JMJD1C: variants seen among roughly 807,000 people sequenced by gnomAD.
The protein encoded by JMJD1C is jumonji domain-containing protein 1C.
Under a neutral mutation model 245.3 loss-of-function variants are expected in JMJD1C, and 31 were observed. The ratio of observed to expected loss-of-function variants is 0.13; its 90% CI spans 0.09 to 0.17. The LOEUF is 0.17. JMJD1C is among the 10% of genes least tolerant of loss of function. The pLI, the probability that JMJD1C is intolerant of heterozygous loss-of-function variation, is 1.00. For missense variants in JMJD1C, 2,691 were observed against 3,000.2 expected (o/e 0.90, Z 2.41); for synonymous variants, 1,057 against 1,017.4 (o/e 1.04, Z -0.74).
intron 3 of JMJD1C, among the ~76,000 whole-genome samples, chr10:63,232,912 G>C (rs1208924871): frequency 6.6e-6 from 1 of 151,930 alleles, no homozygotes; most frequent in African/African-American, 2.4e-5. Context: ...TTCATTTTCT[G>C]TTTACTTTTA....
intron 2 of JMJD1C, among the ~76,000 whole-genome samples, chr10:63,273,006 T>C (rs1856477011): frequency 6.6e-6 from 1 of 152,228 alleles, no homozygotes; most frequent in Non-Finnish European, 1.5e-5. Flanking sequence ...GTAAAATTAA[T>C]GTAATTAACA....
At chr10:63,458,912 G>C (rs948728800) in intron 1 of JMJD1C, among the ~76,000 whole-genome samples, 4 of 151,932 alleles carry the variant, frequency 2.6e-5, no homozygotes, top group Non-Finnish European at 5.9e-5. Flanking sequence ...TCAGTAGACA[G>C]GATTTCACCA....
chr10:63,464,954 G>A (rs1953091143), intron 1 of JMJD1C, among the ~76,000 whole-genome samples: 1 of 152,296 alleles, frequency 6.6e-6, no homozygotes, highest in African/African-American at 2.4e-5. Flanking sequence ...CACCACCACG[G>A]CCTCTGCCTC....
At chr10:63,403,942 A>C (rs1949013753) in intron 1 of JMJD1C, among the ~76,000 whole-genome samples, 2 of 152,108 alleles carry the variant, frequency 1.3e-5, no homozygotes, top group Non-Finnish European at 1.5e-5. Context: ...GTCTCAAAAA[A>C]AACAACAACA....
At chr10:63,377,218 G>A (rs1038032469) in intron 2 of JMJD1C, among the ~76,000 whole-genome samples, 1 of 152,172 alleles carries the variant, frequency 6.6e-6, no homozygotes, top group Admixed American at 6.5e-5. Context: ...CTCAGAGACC[G>A]AAAGTAGAAT....
At chr10:63,438,517 C>T (rs1241531873) in intron 1 of JMJD1C, among the ~76,000 whole-genome samples, 2 of 152,124 alleles carry the variant, frequency 1.3e-5, no homozygotes, top group Admixed American at 6.6e-5. Flanking sequence ...TTAAAACCAC[C>T]TCGTTCATGC....
At chr10:63,458,693 T>C (rs1952575471) in intron 1 of JMJD1C, among the ~76,000 whole-genome samples, 1 of 148,990 alleles carries the variant, frequency 6.7e-6, no homozygotes, top group South Asian at 2.1e-4. Context: ...TTTATTGGAT[T>C]TTTATAAAGT....
intron 1 of JMJD1C, among the ~76,000 whole-genome samples, chr10:63,494,592 G>C (rs1954294950): frequency 6.6e-6 from 1 of 152,120 alleles, no homozygotes; most frequent in Admixed American, 6.6e-5. Context: ...TTGTGATTTG[G>C]CAGTATCCAT....
chr10:63,179,767 C>A (rs1481682166), intron 22 of JMJD1C, among the ~76,000 whole-genome samples: 1 of 136,082 alleles, frequency 7.3e-6, no homozygotes, highest in Non-Finnish European at 1.6e-5. Flanking sequence ...AGCAAGGAGA[C>A]CCTATCTTTA....
At chr10:63,274,316 G>A (rs1031069890) in intron 2 of JMJD1C, among the ~76,000 whole-genome samples, 2 of 152,194 alleles carry the variant, frequency 1.3e-5, no homozygotes, top group Admixed American at 6.5e-5. Flanking sequence ...TGTAATCCCA[G>A]CACTCTGGGA....
At chr10:63,361,636 G>A (rs560680867) in intron 2 of JMJD1C, among the ~76,000 whole-genome samples, 50 of 138,828 alleles carry the variant, frequency 3.6e-4, no homozygotes, top group African/African-American at 1.3e-3. Flanking sequence ...GACTCAGTAA[G>A]AATAACCTAC....
Position 63,208,220 on chromosome 10 carries a change from A to G in JMJD1C, c.3449T>C (p.Ile1150Thr), listed in dbSNP as rs1276147767. 1.2e-6 allele frequency: 2 copies of G among 1,613,950 alleles called. No individual in the cohort carries two copies. The highest frequency in any genetic ancestry group is 1.7e-6 in the Non-Finnish European group (2 of 1,179,972). ...ITSLSKPPPL[I>T]KHQPESEGLV... ...ACCTTCACTTTCTGGTTGGTGTTTA[A>G]TCAAAGGTGGAGGCTTTGAAAGAGA... Residue 1150 changes from isoleucine to threonine, a missense_variant, in exon 10 of 26, where the codon ATT becomes ACT. By Grantham distance (89) the Ile-to-Thr change is moderately conservative (BLOSUM62 -1). This residue lies in a region of JMJD1C where 1,562 missense variants were observed against 1,490.7 expected (regional missense o/e 1.05). Coordinates refer to ENST00000399262, the MANE Select transcript of JMJD1C (RefSeq NM_032776.3).
At chr10:63,246,997 T>C (rs139053618) in intron 3 of JMJD1C, among the ~76,000 whole-genome samples, 91 of 148,382 alleles carry the variant, frequency 6.1e-4, no homozygotes, top group African/African-American at 2.1e-3. Flanking sequence ...AGACTTCAAA[T>C]ATACAACGCA....
In JMJD1C at chr10:63,384,239, T is replaced by TA. The variant is rs1947423368; in HGVS notation, c.169-3758dup. On this transcript the variant is annotated intron_variant, in intron 1 of 25. Coordinates refer to ENST00000399262, the MANE Select transcript of JMJD1C (RefSeq NM_032776.3). ...GCAATGACTTCCCCCTTGAAAGTCT[T>TA]AAACACCTCAATGTTGATATTATGA... Among the ~76,000 whole-genome samples the TA allele has an allele frequency of 3.9e-5, 6 of 152,324 alleles. No individual in the cohort carries two copies. In the South Asian group the frequency reaches 1.2e-3, roughly 32 times the overall value.
intron 1 of JMJD1C, among the ~76,000 whole-genome samples, chr10:63,454,322 T>C (rs1043735957): frequency 2.6e-5 from 4 of 151,422 alleles, no homozygotes; most frequent in Non-Finnish European, 5.9e-5. Context: ...TGCAGTGGCA[T>C]GATCTCAGCT....
intron 2 of JMJD1C, among the ~76,000 whole-genome samples, chr10:63,333,677 T>A (rs564943920): frequency 6.6e-6 from 1 of 152,196 alleles, no homozygotes; most frequent in African/African-American, 2.4e-5. Context: ...TTAATTGTAA[T>A]CTACATGACA....
chr10:63,385,269 G>C (rs1303061458), intron 1 of JMJD1C, among the ~76,000 whole-genome samples: 3 of 151,792 alleles, frequency 2.0e-5, no homozygotes, highest in Non-Finnish European at 4.4e-5. Context: ...AGATGTAATA[G>C]TAATAATAAT....
At chr10:63,442,274 T>C (rs953899236) in intron 1 of JMJD1C, among the ~76,000 whole-genome samples, 1 of 152,166 alleles carries the variant, frequency 6.6e-6, no homozygotes, top group Non-Finnish European at 1.5e-5. Context: ...TGGGTATATA[T>C]CAATTTGAAA....
At chr10:63,322,177 T>C (rs1263616150) in intron 2 of JMJD1C, among the ~76,000 whole-genome samples, 1 of 152,212 alleles carries the variant, frequency 6.6e-6, no homozygotes, top group Non-Finnish European at 1.5e-5. Flanking sequence ...GAAAGCTCTT[T>C]TCAAATGTTG....
Sources: allele counts gnomAD v4.1 joint callset (sites outside exome capture counted in the v4.1 genomes callset), GRCh38; gene constraint gnomAD v4.1.1; regional missense constraint gnomAD v4.1.1; transcripts MANE v1.5; gene names NCBI Gene and HGNC (gene_info 2026-07-23, HGNC 2026-07-21).